Variants in TUT4 observed in about 807,000 individuals in gnomAD.
TUT4 encodes terminal uridylyl transferase 4.
TUT4 carries 36 observed loss-of-function variants against 192.2 expected under a neutral mutation model. The observed-to-expected ratio is 0.19, with a 90% CI of 0.14 to 0.25. The LOEUF is 0.25. Ranked by LOEUF, TUT4 falls within the 10% of genes least tolerant of loss-of-function variation. The pLI, the probability that TUT4 is intolerant of heterozygous loss-of-function variation, is 1.00. For synonymous variants in TUT4, 618 were observed against 666.0 expected (o/e 0.93, Z 1.11); for missense variants, 1,493 against 1,957.2 (o/e 0.76, Z 4.47).
chr1:52,462,951 T>A (rs977550568), intron 16 of TUT4: 1 of 985,318 alleles, frequency 1.0e-6, no homozygotes, highest in Admixed American at 6.1e-5. Flanking sequence ...TTTAGCTACA[T>A]GAGAGCAGGA....
chr1:52,434,104 G>A (rs1334649211), intron 27 of TUT4: 1 of 152,128 alleles, frequency 6.6e-6, no homozygotes, highest in Non-Finnish European at 1.5e-5. Flanking sequence ...CTCAACAAAT[G>A]TTAACTACAT....
chr1:52,526,582 A>G (rs72903702), intron 1 of TUT4, among the ~76,000 whole-genome samples: 9,329 of 152,148 alleles, frequency 0.061, 314 homozygotes, highest in South Asian at 0.086. Context: ...GGGAATTCTA[A>G]TGTAATTGTG....
At position 52,475,249 on chromosome 1, in the gene TUT4, G is replaced by A; in HGVS notation, c.2310C>T (p.Asp770=). ...REQPVQCDEM[D]CTSQRCIIDN... ...CAATAATACATCTCTGTGATGTACA[G>A]TCCATTTCATCACATTGAACAGGTT... The change falls in exon 13 of 30, where the codon GAC becomes GAT. Residue 770 remains aspartate, a synonymous_variant. Transcript: ENST00000257177. 1 of 1,614,080 alleles carries A rather than the reference G, an allele frequency of 6.2e-7. No homozygotes were observed. The highest frequency in any genetic ancestry group is 8.5e-7 in the Non-Finnish European group (1 of 1,180,014).
At chr1:52,543,712 G>C (rs1181725474) in intron 1 of TUT4, among the ~76,000 whole-genome samples, 2 of 151,870 alleles carry the variant, frequency 1.3e-5, no homozygotes, top group Non-Finnish European at 2.9e-5. Flanking sequence ...TTGAACTCCT[G>C]ACCTCAGGTA....
rs866101099 is a variant in TUT4, at chr1:52,481,448, T to C, written c.1823A>G (p.Asn608Ser). The change falls in exon 11 of 30, where the codon AAT becomes AGT. Residue 608 changes from asparagine (N) to serine (S), a missense_variant. Asn to Ser is a conservative substitution (Grantham distance 46, BLOSUM62 1). Around this residue, in one of 7 missense-constraint regions of TUT4, gnomAD observed 437 missense variants for 577.6 expected, o/e 0.76. Transcript: ENST00000257177. ...TTTGCCATGTTTTTCCTTCATGGCATTACTTTGGTTGTCTGTTTCTGTCTT... is the reference window on the plus strand; with the variant it reads ...TTTGCCATGTTTTTCCTTCATGGCACTACTTTGGTTGTCTGTTTCTGTCTT... ...TKKTETDNQSNAMKEKHGKSP... is the reference protein window; with the variant it reads ...TKKTETDNQSSAMKEKHGKSP... 6.2e-7 allele frequency: 1 copy of C among 1,613,986 alleles called. No individual in the cohort carries two copies. The highest frequency in any genetic ancestry group is 8.5e-7 in the Non-Finnish European group (1 of 1,179,936).
At chr1:52,519,701 G>T (rs1333982711) in intron 2 of TUT4, among the ~76,000 whole-genome samples, 1 of 151,920 alleles carries the variant, frequency 6.6e-6, no homozygotes, top group Non-Finnish European at 1.5e-5. Flanking sequence ...TAGAGACGGG[G>T]TTTCGCCATG....
chr1:52,525,422 T>C (rs548144320), intron 2 of TUT4, 141 bp downstream of exon 2: 2 of 1,100,832 alleles, frequency 1.8e-6, no homozygotes, highest in South Asian at 3.6e-5. Context: ...AATGCAAGTA[T>C]TATTAATGTG....
chr1:52,486,286 C>T (rs1203843024), intron 9 of TUT4, among the ~76,000 whole-genome samples: 1 of 152,094 alleles, frequency 6.6e-6, no homozygotes, highest in Non-Finnish European at 1.5e-5. Context: ...CGACAAGTGG[C>T]TCTAAGTCAG....
At chr1:52,473,760 G>T (rs1276448857) in intron 13 of TUT4, among the ~76,000 whole-genome samples, 1 of 151,486 alleles carries the variant, frequency 6.6e-6, no homozygotes, top group East Asian at 1.9e-4. Context: ...TTTTTCACAT[G>T]GATACTAATA....
Position 52,490,788 on chromosome 1 carries a change from A to G in TUT4, c.1332T>C (p.Asp444=). 6.2e-7 allele frequency: 1 copy of G among 1,612,358 alleles called. No homozygotes were observed. Among genetic ancestry groups the G allele is most frequent in the Non-Finnish European group, 8.5e-7 (1 of 1,179,226 alleles). The change falls in exon 8 of 30, where the codon GAT becomes GAC. Residue 444 remains aspartate, a synonymous_variant. Transcript: ENST00000257177. ...CTTTAGCGTGAAAATCAGATTCCAC[A>G]TCTACATATAATACTAATAAGGAAA... ...GILKKNVLYV[D]VESDFHAKVP... is the part of the protein sequence containing the mutation.
chr1:52,549,687 A>G (rs1688917727), intron 1 of TUT4, among the ~76,000 whole-genome samples: 1 of 152,214 alleles, frequency 6.6e-6, no homozygotes, highest in Admixed American at 6.5e-5. Flanking sequence ...TTAGGAAGAG[A>G]GATCTGCTTT....
chr1:52,441,285 T>C (rs1655445555), intron 24 of TUT4, among the ~76,000 whole-genome samples: 1 of 147,252 alleles, frequency 6.8e-6, no homozygotes, highest in Admixed American at 6.8e-5. Flanking sequence ...CATATGGCTT[T>C]TTTTTTTTTT....
At chr1:52,462,831 A>C (rs1662995401) in intron 16 of TUT4, 3 of 985,306 alleles carry the variant, frequency 3.0e-6, no homozygotes, top group Non-Finnish European at 3.6e-6. Flanking sequence ...GGTAATGATA[A>C]TCATAATACA....
chr1:52,474,897 C>G lies in TUT4; in HGVS notation c.2662G>C (p.Asp888His). The G allele has an allele frequency of 6.2e-7, 1 of 1,613,834 alleles. No individual in the cohort carries two copies. The change falls in exon 13 of 30, where the codon GAT becomes CAT. Residue 888 changes from aspartate to histidine, a missense_variant. This residue lies in a region of TUT4 where 245 missense variants were observed against 218.4 expected (regional missense o/e 1.12). Coordinates refer to ENST00000257177, the MANE Select transcript of TUT4 (RefSeq NM_001009881.3). ...ATEDASDLND[D>H]DNLPTQELYY... ...AATTCCTGGGTGGGGAGGTTATCAT[C>G]ATCATTAAGGTCAGAAGCATCTTCT...
intron 7 of TUT4, 31 bp downstream of exon 7, chr1:52,493,580 A>G (rs533289108): frequency 2.9e-5 from 41 of 1,399,184 alleles, no homozygotes; most frequent in Non-Finnish European, 4.0e-5. Flanking sequence ...AATTAAAAAA[A>G]AAAAAGAAAA....
intron 19 of TUT4, 118 bp from the exon 20 acceptor site, chr1:52,458,567 A>T: frequency 1.5e-6 from 1 of 651,764 alleles, no homozygotes; most frequent in Non-Finnish European, 2.6e-6. Flanking sequence ...CTGAGTTAAA[A>T]ACAAACTGCA....
chr1:52,473,919 C>T (rs567050728), intron 13 of TUT4, among the ~76,000 whole-genome samples: 188 of 152,160 alleles, frequency 1.2e-3, no homozygotes, highest in African/African-American at 4.4e-3. Flanking sequence ...AAAGTTCAGA[C>T]TATCTGGCCA....
chr1:52,446,706 G>A, intron 20 of TUT4, 39 bp from the exon 21 acceptor site: 1 of 1,498,292 alleles, frequency 6.7e-7, no homozygotes, highest in Non-Finnish European at 9.1e-7. Context: ...GATTTCAAGT[G>A]ATCCAACCCA....
rs149479290 is a variant in TUT4, at chr1:52,429,602, A to T, written c.4711+1411T>A. On this transcript the variant is annotated intron_variant, in intron 28 of 29. Transcript: ENST00000257177. ...TTTTTTTAATTTTATTTATTTATTT[A>T]TTTTTTTTTGAGAGAGTCTCACTCT... 5.8e-3 allele frequency among the ~76,000 whole-genome samples: 846 copies of T among 147,130 alleles called. 8 individuals are homozygous for T. The highest frequency in any genetic ancestry group is 0.018 in the African/African-American group (708 of 40,152).
Sources: gnomAD v4.1 joint callset for allele counts (sites outside exome capture counted in the v4.1 genomes callset) on GRCh38, gnomAD v4.1.1 for gene constraint, gnomAD v4.1.1 regional missense constraint, MANE v1.5 for transcripts, NCBI Gene and HGNC (gene_info 2026-07-23, HGNC 2026-07-21) for gene names.